The following SETDB1 variants were observed in gnomAD, a reference collection of about 807,000 sequenced individuals.
SETDB1 encodes the protein histone-lysine N-methyltransferase SETDB1.
In SETDB1, 31 loss-of-function variants were observed where a neutral mutation model predicts 137.4. That is an observed-to-expected ratio of 0.23 (90% CI 0.17 to 0.30). The LOEUF is 0.30. Among genes scored for constraint, SETDB1 ranks in the 10% least tolerant of loss-of-function variants. The pLI is 1.00. For synonymous variants in SETDB1, 548 were observed against 579.9 expected (o/e 0.95, Z 0.79); for missense variants, 1,113 against 1,631.5 (o/e 0.68, Z 5.47).
At chr1:150,963,805 A>C in intron 20 of SETDB1, 64 bp downstream of exon 20, 1 of 1,493,714 alleles carries the variant, frequency 6.7e-7, no homozygotes, top group South Asian at 1.1e-5. Context: ...TTCTTTTAAC[A>C]TACTCTATAA....
At chr1:150,942,501 C>CGAA (rs1670196614) in intron 5 of SETDB1, 62 bp from the exon 6 acceptor site, 2 of 1,464,228 alleles carry the variant, frequency 1.4e-6, no homozygotes, top group East Asian at 4.6e-5. Context: ...ACCCTCTTTA[C>CGAA]CTTCCCGTTC....
Position 150,963,157 on chromosome 1 carries a change from T to G in SETDB1, c.3460+18T>G, listed in dbSNP as rs1175828691. Reference sequence around the variant, plus strand: ...CATGACTGGTAGCCTGGAAAAATTTTGGGAATGGTGGGAAGAAATAGTAAG... The same window carrying G: ...CATGACTGGTAGCCTGGAAAAATTTGGGGAATGGTGGGAAGAAATAGTAAG... On this transcript the variant is annotated intron_variant, in intron 19 of 21. Coordinates refer to ENST00000692827, the MANE Select transcript of SETDB1 (RefSeq NM_001366418.1). 19 of 1,600,050 alleles carry G rather than the reference T, an allele frequency of 1.2e-5. No individual in the cohort carries two copies. Among genetic ancestry groups the G allele is most frequent in the Non-Finnish European group, 1.5e-5 (18 of 1,169,980 alleles).
Position 150,960,916 on chromosome 1 carries a change from C to T in SETDB1, c.2857C>T (p.Leu953Phe). The T allele has an allele frequency of 6.3e-7, 1 of 1,598,784 alleles. No individual in the cohort carries two copies. ...TTCCAAGGACTCCCACCCCCCAGAT[C>T]TTGGACCCCCACATATTCCTGTTCC... ...TTSKDSHPPD[L>F]GPPHIPVPPS... Residue 953 changes from leucine to phenylalanine, a missense_variant, in exon 16 of 22, where the codon CTT (leucine) becomes TTT (phenylalanine). Around this residue, in one of 11 missense-constraint regions of SETDB1, gnomAD observed 373 missense variants for 412.7 expected, o/e 0.90. Coordinates refer to ENST00000692827, the MANE Select transcript of SETDB1 (RefSeq NM_001366418.1).
At position 150,943,935 on chromosome 1, in the gene SETDB1, T is replaced by A; in HGVS notation, c.891T>A (p.Phe297Leu). 1 of 1,611,956 alleles carries A rather than the reference T, an allele frequency of 6.2e-7. No individual in the cohort carries two copies. Among genetic ancestry groups the A allele is most frequent in the Non-Finnish European group, 8.5e-7 (1 of 1,178,098 alleles). The change falls in exon 8 of 22, where the codon TTT becomes TTA. Residue 297 changes from phenylalanine to leucine, a missense_variant. Around this residue, in one of 11 missense-constraint regions of SETDB1, gnomAD observed 154 missense variants for 303.1 expected, o/e 0.51. Transcript: ENST00000692827. ...VKNKLRFLIF[F>L]DDGYASYVTQ... ...TCTTTTATAGGTTTCTCATTTTCTT[T>A]GATGATGGCTATGCTTCCTATGTCA... is the stretch of plus-strand genomic sequence containing the variant.
At chr1:150,961,928 C>G in intron 16 of SETDB1, 1 of 667,394 alleles carries the variant, frequency 1.5e-6, no homozygotes, top group Non-Finnish European at 2.7e-6. Flanking sequence ...GCATTAAGCC[C>G]CATCACTGAG....
chr1:150,941,985 C>CA (rs200773379), intron 5 of SETDB1, among the ~76,000 whole-genome samples: 3,175 of 150,884 alleles, frequency 0.021, 54 homozygotes, highest in Non-Finnish European at 0.034. Flanking sequence ...ATTAAAAATA[C>CA]AAAAATTAGC....
At chr1:150,939,261 T>TG (rs1263222869) in intron 3 of SETDB1, among the ~76,000 whole-genome samples, 1 of 149,892 alleles carries the variant, frequency 6.7e-6, no homozygotes, top group Non-Finnish European at 1.5e-5. Context: ...ATTTTTTTTT[T>TG]TTTTTTTTTT....
intron 9 of SETDB1, among the ~76,000 whole-genome samples, chr1:150,945,757 C>G (rs960704794): frequency 1.3e-5 from 2 of 152,114 alleles, no homozygotes; most frequent in African/African-American, 4.8e-5. Context: ...GAGTTTCACT[C>G]TTGTTGCCCA....
At chr1:150,934,651 A>C (rs1046005073) in intron 3 of SETDB1, among the ~76,000 whole-genome samples, 1 of 152,094 alleles carries the variant, frequency 6.6e-6, no homozygotes, top group African/African-American at 2.4e-5. Context: ...GAAAAGAAAA[A>C]TATGTATTTA....
Position 150,950,472 on chromosome 1 carries a change from C to T in SETDB1, c.1598C>T (p.Ser533Phe). ...INQTYRSPLG[S>F]TASAPAPSAL... ...CTCATTTGCAGATCACCTTTAGGCT[C>T]CACAGCCTCTGCCCCAGCACCCTCA... The change falls in exon 13 of 22, where the codon TCC becomes TTC. Residue 533 changes from serine to phenylalanine, a missense_variant. Physicochemically the swap from Ser to Phe is radical, Grantham distance 155 (BLOSUM62 -2). Transcript: ENST00000692827. 3 of 1,600,608 alleles carry T rather than the reference C, an allele frequency of 1.9e-6. No individual in the cohort carries two copies. Among genetic ancestry groups the T allele is most frequent in the Non-Finnish European group, 2.6e-6 (3 of 1,173,440 alleles).
At position 150,963,555 on chromosome 1, in the gene SETDB1, AAAATCAACCCGAGGCTTTGCTCTT is replaced by A; in HGVS notation, c.3497_3520del (p.Arg1166_Thr1173del). On this transcript the variant is annotated inframe_deletion, in exon 20 of 22. Transcript: ENST00000692827. The stretch of plus-strand genomic sequence containing the variant: ...GTCCAATGAAGCGTCAAGTGGCAGT[AAAATCAACCCGAGGCTTTGCTCTT>A]AAATCAACCCATGGGATTGCAATTA... 1 of 1,613,778 alleles carries A rather than the reference AAAATCAACCCGAGGCTTTGCTCTT, an allele frequency of 6.2e-7. No homozygotes were observed. Among genetic ancestry groups the A allele is most frequent in the Non-Finnish European group, 8.5e-7 (1 of 1,179,724 alleles).
chr1:150,929,380 A>AT (rs1435076619), intron 2 of SETDB1, among the ~76,000 whole-genome samples: 4 of 122,396 alleles, frequency 3.3e-5, no homozygotes, highest in Admixed American at 7.9e-5. Context: ...TTTTTATTTT[A>AT]TTTTATTTTT....
chr1:150,930,194 TAGAAG>T lies in SETDB1; in HGVS notation c.412+80_412+84del, dbSNP rs1669680068. 21 of 1,301,294 alleles carry T rather than the reference TAGAAG, an allele frequency of 1.6e-5. No homozygotes were observed. In the East Asian group the frequency reaches 4.9e-4, roughly 30 times the overall value. The allele number at this position is 1,301,294 out of a possible 1,614,324, so 80.6% of individuals were successfully genotyped here. A position where few individuals can be genotyped will look rare whatever the true frequency, so the allele number is the denominator to read the frequency against. On this transcript the variant is annotated intron_variant, in intron 3 of 21. Transcript: ENST00000692827. ...TGGAAGATGAGCAAATAGAAGATAA[TAGAAG>T]AGAGGAGAAACCATTGTCACTAACT...
chr1:150,934,227 C>G (rs1299047799), intron 3 of SETDB1, among the ~76,000 whole-genome samples: 1 of 152,128 alleles, frequency 6.6e-6, no homozygotes, highest in African/African-American at 2.4e-5. Context: ...AATCCCAGCA[C>G]TTTGGGAGGC....
Position 150,927,841 on chromosome 1 carries a change from T to A in SETDB1, c.127T>A (p.Phe43Ile), listed in dbSNP as rs769539761. Residue 43 changes from phenylalanine (F) to isoleucine (I), a missense_variant, in exon 2 of 22, where the codon TTC (phenylalanine) becomes ATC (isoleucine). Around this residue, in one of 11 missense-constraint regions of SETDB1, gnomAD observed 159 missense variants for 188.6 expected, o/e 0.84. Transcript: ENST00000692827. ...LGISMEELRH[F>I]IDEELEKMDC... Reference sequence around the variant, plus strand: ...TATCTCTATGGAGGAACTTCGGCATTTCATCGATGAGGAACTGGAGAAGAT... The same window carrying A: ...TATCTCTATGGAGGAACTTCGGCATATCATCGATGAGGAACTGGAGAAGAT... 1 of 1,614,100 alleles carries A rather than the reference T, an allele frequency of 6.2e-7. No individual in the cohort carries two copies. The highest frequency in any genetic ancestry group is 2.2e-5 in the East Asian group (1 of 44,880).
chr1:150,926,919 T>G (rs1202291713), intron 1 of SETDB1: 1 of 497,486 alleles, frequency 2.0e-6, no homozygotes, highest in Non-Finnish European at 4.1e-6. Context: ...AAAGTAAAAT[T>G]CCACATGGAA....
intron 7 of SETDB1, among the ~76,000 whole-genome samples, chr1:150,943,687 T>C (rs1670231880): frequency 6.6e-6 from 1 of 152,118 alleles, no homozygotes; most frequent in South Asian, 2.1e-4. Flanking sequence ...AAAATATTTA[T>C]ATGTATATGT....
chr1:150,949,728 A>G (rs1409010904), intron 12 of SETDB1, among the ~76,000 whole-genome samples: 2 of 152,210 alleles, frequency 1.3e-5, no homozygotes, highest in East Asian at 3.8e-4. Context: ...GCTTGGAAAT[A>G]TGGTATCATC....
Position 150,950,481 on chromosome 1 carries a change from C to G in SETDB1, c.1607C>G (p.Ser536Cys). Reference sequence around the variant, plus strand: ...AGATCACCTTTAGGCTCCACAGCCTCTGCCCCAGCACCCTCAGCACTCCCG... The same window carrying G: ...AGATCACCTTTAGGCTCCACAGCCTGTGCCCCAGCACCCTCAGCACTCCCG... ...TYRSPLGSTA[S>C]APAPSALPAP... Residue 536 changes from serine to cysteine, a missense_variant, in exon 13 of 22, where the codon TCT becomes TGT. Ser to Cys is a moderately radical substitution (Grantham distance 112, BLOSUM62 -1). Coordinates refer to ENST00000692827, the MANE Select transcript of SETDB1 (RefSeq NM_001366418.1). The G allele has an allele frequency of 6.2e-7, 1 of 1,606,292 alleles. No homozygotes were observed. Among genetic ancestry groups the G allele is most frequent in the Non-Finnish European group, 8.5e-7 (1 of 1,176,110 alleles).
Sources: gnomAD v4.1 joint callset for allele counts (sites outside exome capture counted in the v4.1 genomes callset) on GRCh38, gnomAD v4.1.1 for gene constraint, gnomAD v4.1.1 regional missense constraint, MANE v1.5 for transcripts, NCBI Gene and HGNC (gene_info 2026-07-23, HGNC 2026-07-21) for gene names.